Variants in CR2 observed in about 807,000 individuals in gnomAD.
CR2 encodes the protein complement receptor type 2.
In CR2, 96 loss-of-function variants were observed where a neutral mutation model predicts 123.0. That is an observed-to-expected ratio of 0.78 (90% CI 0.66 to 0.93). CR2 has a LOEUF of 0.93. Ranked by LOEUF, CR2 falls within the 40% of genes least tolerant of loss-of-function variation. The pLI is 0.00. For synonymous variants in CR2, 484 were observed against 469.5 expected, an observed-to-expected ratio of 1.03 and a Z score of -0.40; for missense variants, 1,258 against 1,361.0, an observed-to-expected ratio of 0.92 and a Z score of 1.19.
chr1:207,456,183 T>C (rs1657829200), intron 1 of CR2, among the ~76,000 whole-genome samples: 1 of 152,188 alleles, frequency 6.6e-6, no homozygotes. Context: ...TCACCGAAGC[T>C]CACACCCCCT....
At chr1:207,456,804 T>C (rs1657844279) in intron 1 of CR2, among the ~76,000 whole-genome samples, 2 of 152,174 alleles carry the variant, frequency 1.3e-5, no homozygotes, top group Non-Finnish European at 1.5e-5. Flanking sequence ...TACCCCTTAT[T>C]CTCCAGTCTG....
In CR2 at chr1:207,471,514, T is replaced by C. The variant is rs751676237; in HGVS notation, c.1570+15T>C. 34 of 1,557,550 alleles carry C rather than the reference T, an allele frequency of 2.2e-5. No homozygotes were observed. Among genetic ancestry groups the C allele is most frequent in the Admixed American group, 3.3e-5 (2 of 59,868 alleles). On this transcript the variant is annotated intron_variant, in intron 9 of 19. Transcript: ENST00000367057. ...TCTTTGTAAAGGTGAGTAGCAAAAA[T>C]GATATAGGAGCTGAAATAATGTGAG...
rs972721350 is a variant in CR2, at chr1:207,471,916, G to T, written c.1570+417G>T. The T allele has an allele frequency of 5.9e-5, 17 of 286,314 alleles. No homozygotes were observed. In the East Asian group the frequency reaches 1.4e-3, roughly 23 times the overall value. 17.7% of individuals were successfully genotyped at this position (286,314 alleles called of 1,614,324 possible). A position where few individuals can be genotyped will look rare whatever the true frequency, so the allele number is the denominator to read the frequency against. On this transcript the variant is annotated intron_variant, in intron 9 of 19. Coordinates refer to ENST00000367057, the MANE Select transcript of CR2 (RefSeq NM_001006658.3). ...CTCTAGCCTTTCTTCTGTAAAGTTGGCATAAGACTACAGACTAGGAGGTCC... is the reference window on the plus strand; with the variant it reads ...CTCTAGCCTTTCTTCTGTAAAGTTGTCATAAGACTACAGACTAGGAGGTCC...
In CR2 at chr1:207,476,254, C is replaced by T; in HGVS notation, c.2737C>T (p.Pro913Ser). 1 of 1,613,806 alleles carries T rather than the reference C, an allele frequency of 6.2e-7. No homozygotes were observed. The part of the protein sequence containing the change: ...IKKAFIGCPP[P>S]PKTPNGNHTG... Reference sequence around the variant, plus strand: ...CTAAGCCTTCATAGGGTGTCCACCTCCGCCTAAGACCCCTAACGGGAACCA... The same window carrying T: ...CTAAGCCTTCATAGGGTGTCCACCTTCGCCTAAGACCCCTAACGGGAACCA... Residue 913 changes from proline (P) to serine (S), a missense_variant, in exon 15 of 20, where the codon CCG (proline) becomes TCG (serine). Pro to Ser is a moderately conservative substitution (Grantham distance 74, BLOSUM62 -1). Transcript: ENST00000367057.
chr1:207,474,178 C>A, intron 12 of CR2, 63 bp from the exon 13 acceptor site: 1 of 1,311,364 alleles, frequency 7.6e-7, no homozygotes, highest in Non-Finnish European at 1.1e-6. Context: ...TCCCTTTTTG[C>A]ATGCAGTTTG....
At position 207,475,123 on chromosome 1, in the gene CR2, T is replaced by C. The variant is rs1363755894; in HGVS notation, c.2623T>C (p.Cys875Arg). 1 of 1,612,784 alleles carries C rather than the reference T, an allele frequency of 6.2e-7. No individual in the cohort carries two copies. The highest frequency in any genetic ancestry group is 8.5e-7 in the Non-Finnish European group (1 of 1,179,346). ...YSHNDIVYVD[C>R]NPGFIMNGSR... ...CCACAATGACATAGTGTATGTTGAC[T>C]GCAATCCTGGCTTCATCATGAATGG... Residue 875 changes from cysteine (C) to arginine (R), a missense_variant, in exon 14 of 20, where the codon TGC becomes CGC. Transcript: ENST00000367057.
At chr1:207,483,819 G>T (rs959018300) in intron 18 of CR2, among the ~76,000 whole-genome samples, 2 of 152,132 alleles carry the variant, frequency 1.3e-5, no homozygotes, top group African/African-American at 4.8e-5. Context: ...TGGGAGAAGG[G>T]TCTGGACTCG....
rs561952573 is a variant in CR2, at chr1:207,458,885, T to A, written c.58+4409T>A. 8.0e-4 allele frequency among the ~76,000 whole-genome samples: 122 copies of A among 152,302 alleles called. 1 individual carries two copies. Among genetic ancestry groups the A allele is most frequent in the African/African-American group, 2.8e-3 (118 of 41,550 alleles). On this transcript the variant is annotated intron_variant, in intron 1 of 19. Transcript: ENST00000367057. Reference sequence around the variant, plus strand: ...GAACCTTGTCTCTGATGTTCACAGATACATCTCCTGTGCTTAGGACTGAAC... The same window carrying A: ...GAACCTTGTCTCTGATGTTCACAGAAACATCTCCTGTGCTTAGGACTGAAC...
At chr1:207,485,779 T>C (rs1420733944) in intron 19 of CR2, among the ~76,000 whole-genome samples, 1 of 152,156 alleles carries the variant, frequency 6.6e-6, no homozygotes, top group Non-Finnish European at 1.5e-5. Context: ...ATTCAACAAA[T>C]ATTAAACTAA....
intron 1 of CR2, among the ~76,000 whole-genome samples, chr1:207,462,422 G>A (rs1045992892): frequency 6.6e-6 from 1 of 152,188 alleles, no homozygotes; most frequent in Non-Finnish European, 1.5e-5. Flanking sequence ...TGTTGTTGGA[G>A]TATAGGCTAC....
rs536455526 is a variant in CR2 at position 207,455,442 on chromosome 1, T to TAA, written c.58+967_58+968insAA. The stretch of plus-strand genomic sequence containing the variant: ...GCAAAGAAAGTTGGATGTTAGTCGT[T>TAA]ACTACTAAATATCAGTAATAAGCCT... On this transcript the variant is annotated intron_variant, in intron 1 of 19. Transcript: ENST00000367057. Among the ~76,000 whole-genome samples, 837 of 152,370 alleles carry TAA rather than the reference T, an allele frequency of 5.5e-3. 6 individuals are homozygous for TAA. The highest frequency in any genetic ancestry group is 8.0e-3 in the Non-Finnish European group (544 of 68,032).
intron 18 of CR2, among the ~76,000 whole-genome samples, chr1:207,484,772 T>G (rs1658703534): frequency 6.6e-6 from 1 of 152,242 alleles, no homozygotes. Flanking sequence ...ATGAAATATG[T>G]GTACTTTCAA....
At chr1:207,480,670 T>C (rs1658579818) in intron 18 of CR2, among the ~76,000 whole-genome samples, 1 of 152,192 alleles carries the variant, frequency 6.6e-6, no homozygotes, top group Non-Finnish European at 1.5e-5. Context: ...ACTTGATAAC[T>C]ATTGTCAGAT....
intron 18 of CR2, among the ~76,000 whole-genome samples, chr1:207,483,411 T>A (rs1223656475): frequency 6.6e-6 from 1 of 152,142 alleles, no homozygotes; most frequent in Non-Finnish European, 1.5e-5. Flanking sequence ...GGGCTGCCTA[T>A]GGGGTTCTGG....
chr1:207,468,419 C>G, intron 2 of CR2, 108 bp from the exon 3 acceptor site: 2 of 1,077,974 alleles, frequency 1.9e-6, no homozygotes, highest in Non-Finnish European at 2.8e-6. Flanking sequence ...GACAATTTTT[C>G]TTCTTCCAAT....
chr1:207,468,901 T>A lies in CR2; in HGVS notation c.734+2T>A. The A allele has an allele frequency of 6.2e-7, 1 of 1,613,030 alleles. No individual in the cohort carries two copies. The highest frequency in any genetic ancestry group is 8.5e-7 in the Non-Finnish European group (1 of 1,179,158). ...TGCAAACTTTTTCTGTGATGAAGGG[T>A]GAGTGTCAGGATTATTTATGAGATT... On this transcript the variant is annotated splice_donor_variant, in intron 4 of 19. Transcript: ENST00000367057. LOFTEE classifies it high-confidence loss of function.
At position 207,469,980 on chromosome 1, in the gene CR2, G is replaced by A. The variant is rs746224290; in HGVS notation, c.1103G>A (p.Arg368Gln). 23 of 1,613,856 alleles carry A rather than the reference G, an allele frequency of 1.4e-5. 1 individual carries two copies. The South Asian group carries it at 1.8e-4, about 12-fold the overall frequency. ...CGAATGGTATCTGGGCAGAAAGATC[G>A]ATATACCTATAACGACACTGTGATA... The part of the protein sequence containing the change: ...RGRMVSGQKD[R>Q]YTYNDTVIFA... The change falls in exon 6 of 20, where the codon CGA becomes CAA. Residue 368 changes from arginine (R) to glutamine (Q), a missense_variant. Physicochemically the swap from Arg to Gln is conservative, Grantham distance 43. Transcript: ENST00000367057.
At chr1:207,474,194 A>C in intron 12 of CR2, 47 bp from the exon 13 acceptor site, 1 of 1,405,006 alleles carries the variant, frequency 7.1e-7, no homozygotes. Context: ...GTTTGAAGAG[A>C]TATGATATTG....
rs113054614 is a variant in CR2, at chr1:207,475,038, C to T, written c.2538C>T (p.Arg846=). 35 of 1,614,022 alleles carry T rather than the reference C, an allele frequency of 2.2e-5. No homozygotes were observed. Among genetic ancestry groups the T allele is most frequent in the African/African-American group, 1.7e-4 (13 of 75,038 alleles). The change falls in exon 14 of 20, where the codon CGC becomes CGT. Residue 846 remains arginine, a synonymous_variant. Coordinates refer to ENST00000367057, the MANE Select transcript of CR2 (RefSeq NM_001006658.3). ...GCTTACGATCTCCTCCTGTGACTCG[C>T]TGCCCTAATCCAGAAGTCAAACATG... The part of the protein sequence containing the change: ...PQCLRSPPVT[R]CPNPEVKHGY...
Sources: allele counts gnomAD v4.1 joint callset (sites outside exome capture counted in the v4.1 genomes callset), GRCh38; gene constraint gnomAD v4.1.1; transcripts MANE v1.5; gene names NCBI Gene and HGNC (gene_info 2026-07-23, HGNC 2026-07-21).